The following ZDHHC7 variants were observed in gnomAD, a reference collection of about 807,000 sequenced individuals.
ZDHHC7 encodes the protein zDHHC palmitoyltransferase 7, also known as palmitoyltransferase ZDHHC7.
In ZDHHC7, 12 loss-of-function variants were observed where a neutral mutation model predicts 34.1. That is an observed-to-expected ratio of 0.35 (90% CI 0.23 to 0.57). ZDHHC7 has a LOEUF of 0.57. ZDHHC7 is among the 20% of genes least tolerant of loss of function. ZDHHC7 has a pLI of 0.84. For missense variants in ZDHHC7, 388 were observed against 402.7 expected, an observed-to-expected ratio of 0.96 and a Z score of 0.31; for synonymous variants, 185 against 155.4, an observed-to-expected ratio of 1.19 and a Z score of -1.42.
intron 5 of ZDHHC7, among the ~76,000 whole-genome samples, chr16:84,978,540 C>T (rs1439406736): frequency 2.6e-5 from 4 of 152,056 alleles, no homozygotes; most frequent in African/African-American, 9.7e-5. Flanking sequence ...TTAAGACCAG[C>T]CTGGGCAACA....
the ZDHHC7 span, among the ~76,000 whole-genome samples, chr16:85,020,317 T>C: frequency 6.6e-6 from 1 of 152,210 alleles, no homozygotes. Context: ...ATTCAACAAG[T>C]GTACCTGGTA....
At chr16:84,979,100 G>C in intron 5 of ZDHHC7, 89 bp downstream of exon 5, 5 of 1,300,912 alleles carry the variant, frequency 3.8e-6, no homozygotes, top group Non-Finnish European at 5.2e-6. Context: ...AAACTGGCCT[G>C]ACGTTAGTAG....
chr16:85,019,713 G>C, the ZDHHC7 span, among the ~76,000 whole-genome samples: 1 of 152,096 alleles, frequency 6.6e-6, no homozygotes, highest in African/African-American at 2.4e-5. Flanking sequence ...GCAAGACTCT[G>C]TCTCCAATAA....
At chr16:85,006,032 C>G (rs2072712748) in intron 1 of ZDHHC7, among the ~76,000 whole-genome samples, 2 of 152,282 alleles carry the variant, frequency 1.3e-5, no homozygotes, top group South Asian at 4.1e-4. Flanking sequence ...CACTAGATTC[C>G]AATGACTCTC....
intron 7 of ZDHHC7, among the ~76,000 whole-genome samples, chr16:84,976,894 T>G (rs2072305629): frequency 6.6e-6 from 1 of 152,216 alleles, no homozygotes; most frequent in African/African-American, 2.4e-5. Flanking sequence ...CTCTGCTGAC[T>G]TGCAAATCAA....
chr16:84,991,415 A>G (rs149100621), intron 2 of ZDHHC7, among the ~76,000 whole-genome samples: 3,281 of 150,378 alleles, frequency 0.022, 59 homozygotes, highest in Middle Eastern at 0.045. Flanking sequence ...CCTCCCGAGT[A>G]GCTGGGATTA....
Position 84,993,284 on chromosome 16 carries a change from G to A in ZDHHC7, c.-18+2638C>T, listed in dbSNP as rs1443657102. 3.9e-5 allele frequency among the ~76,000 whole-genome samples: 6 copies of A among 152,016 alleles called. No homozygotes were observed. The South Asian group carries it at 8.3e-4, about 21-fold the overall frequency. On this transcript the variant is annotated intron_variant, in intron 2 of 7. Transcript: ENST00000313732. ...TGCAGTGAGCCATGATCATGCCACC[G>A]CGCTCCAGCCTGGATGACAGAGAGA...
chr16:85,024,954 A>G, the ZDHHC7 span, among the ~76,000 whole-genome samples: 1 of 152,182 alleles, frequency 6.6e-6, no homozygotes, highest in Non-Finnish European at 1.5e-5. Flanking sequence ...ATATAAGCCT[A>G]GAGCTCTTGG....
chr16:84,977,497 G>T (rs1318713458), intron 6 of ZDHHC7, among the ~76,000 whole-genome samples: 2 of 152,238 alleles, frequency 1.3e-5, no homozygotes, highest in African/African-American at 4.8e-5. Context: ...GAATTAAATG[G>T]CAAATGAAGC....
chr16:85,027,551 G>A, the ZDHHC7 span, among the ~76,000 whole-genome samples: 17 of 152,332 alleles, frequency 1.1e-4, no homozygotes, highest in African/African-American at 4.1e-4. Flanking sequence ...AGAACACCCA[G>A]CCTCTAAGCA....
At chr16:85,021,198 G>A in the ZDHHC7 span, among the ~76,000 whole-genome samples, 1 of 152,138 alleles carries the variant, frequency 6.6e-6, no homozygotes, top group African/African-American at 2.4e-5. Context: ...CGGATCACAA[G>A]GTCAAGAGAT....
the ZDHHC7 span, among the ~76,000 whole-genome samples, chr16:85,026,916 A>T: frequency 1.3e-5 from 2 of 152,100 alleles, no homozygotes; most frequent in Non-Finnish European, 2.9e-5. Flanking sequence ...GCTGGAGTCG[A>T]GTTTGACATA....
chr16:85,026,859 G>T, the ZDHHC7 span, among the ~76,000 whole-genome samples: 8,372 of 151,988 alleles, frequency 0.055, 244 homozygotes, highest in East Asian at 0.074. Context: ...CAGAAAATTT[G>T]AGGTGTCAGT....
upstream of ZDHHC7, among the ~76,000 whole-genome samples, chr16:85,012,639 C>T (rs2072809205): frequency 6.6e-6 from 1 of 151,994 alleles, no homozygotes; most frequent in Non-Finnish European, 1.5e-5. Flanking sequence ...TGTGGTGGCT[C>T]ACATCTGTAA....
chr16:85,024,339 CTCCTGCCTCAGCCTACCCAG>C, the ZDHHC7 span, among the ~76,000 whole-genome samples: 4 of 142,934 alleles, frequency 2.8e-5, no homozygotes, highest in Non-Finnish European at 4.5e-5. Context: ...TCAAGTGATT[CTCCTGCCTCAGCCTACCCAG>C]TAGGCAGGAT....
At chr16:85,018,508 C>T in the ZDHHC7 span, among the ~76,000 whole-genome samples, 12,513 of 151,740 alleles carry the variant, frequency 0.082, 661 homozygotes, top group South Asian at 0.13. Context: ...AGTGCAATGG[C>T]ACGATCTCAG....
chr16:84,976,472 C>T lies in ZDHHC7; in HGVS notation c.798G>A (p.Leu266=), dbSNP rs1463461202. 1 of 1,614,116 alleles carries T rather than the reference C, an allele frequency of 6.2e-7. No individual in the cohort carries two copies. Among genetic ancestry groups the T allele is most frequent in the South Asian group, 1.1e-5 (1 of 91,082 alleles). Residue 266 remains leucine, a synonymous_variant, in exon 8 of 8, where the codon CTG becomes CTA. Coordinates refer to ENST00000313732, the MANE Select transcript of ZDHHC7 (RefSeq NM_017740.3). ...AGACGGACTTCATCCCTTCCCATCG[C>T]AGCCTCCGCTCCCATGTGGGCTTCT... is the stretch of plus-strand genomic sequence containing the variant. ...KSEKPTWERR[L]RWEGMKSVFG... is the part of the protein sequence containing the mutation.
At chr16:84,988,164 C>A (rs2072461404) in intron 3 of ZDHHC7, among the ~76,000 whole-genome samples, 1 of 151,862 alleles carries the variant, frequency 6.6e-6, no homozygotes, top group Non-Finnish European at 1.5e-5. Flanking sequence ...GAGTGAGACT[C>A]CGTCTCAAAA....
At chr16:84,988,513 C>A (rs376576880) in intron 3 of ZDHHC7, among the ~76,000 whole-genome samples, 62 of 152,282 alleles carry the variant, frequency 4.1e-4, no homozygotes, top group African/African-American at 1.5e-3. Flanking sequence ...AGAAATCTGC[C>A]CACCAGGGCG....
Sources: gnomAD v4.1 joint callset for allele counts (sites outside exome capture counted in the v4.1 genomes callset) on GRCh38, gnomAD v4.1.1 for gene constraint, MANE v1.5 for transcripts, NCBI Gene and HGNC (gene_info 2026-07-23, HGNC 2026-07-21) for gene names.